The following SPATA9 variants were observed in gnomAD, a reference collection of about 807,000 sequenced individuals.
The protein encoded by SPATA9 is spermatogenesis-associated protein 9.
A neutral mutation model predicts 25.5 loss-of-function variants in SPATA9; 27 were observed. The observed-to-expected ratio is 1.06, with a 90% CI of 0.78 to 1.46. The LOEUF is 1.46. Ranked by LOEUF, SPATA9 falls within the 40% of genes most tolerant of loss-of-function variation. The pLI is 0.00. For synonymous variants in SPATA9, 102 were observed against 105.7 expected (o/e 0.97, Z 0.21); for missense variants, 282 against 297.5 (o/e 0.95, Z 0.38).
At position 95,692,517 on chromosome 5, in the gene SPATA9, G is replaced by A. The variant is rs192018540; in HGVS notation, n.124+6071C>T. On this transcript the variant is annotated intron_variant and non_coding_transcript_variant, in intron 1 of 2. Coordinates refer to the SPATA9 transcript ENST00000379990. ...CTGGATCTATATTATTTCTAATCTT[G>A]TATATTTTTTCCTTTTTCTTTAATC... 1.3e-3 allele frequency among the ~76,000 whole-genome samples: 190 copies of A among 151,984 alleles called. 3 individuals are homozygous for A. The highest frequency in any genetic ancestry group is 0.01 in the Middle Eastern group (3 of 294).
intron 1 of SPATA9, among the ~76,000 whole-genome samples, chr5:95,692,273 T>G (rs532328004): frequency 1.3e-5 from 2 of 152,250 alleles, no homozygotes; most frequent in South Asian, 4.1e-4. Context: ...ATTTACATAT[T>G]TTTTTAAAAA....
the SPATA9 span, among the ~76,000 whole-genome samples, chr5:95,730,166 C>T: frequency 6.6e-6 from 1 of 152,044 alleles, no homozygotes; most frequent in Admixed American, 6.6e-5. Context: ...CTACTTTCAA[C>T]CGAGCAATAA....
At chr5:95,696,405 T>A (rs1401822785) in intron 1 of SPATA9, among the ~76,000 whole-genome samples, 1 of 152,234 alleles carries the variant, frequency 6.6e-6, no homozygotes, top group East Asian at 1.9e-4. Flanking sequence ...TCTAGTACCA[T>A]AGAAAACATT....
chr5:95,707,248 G>A, the SPATA9 span, among the ~76,000 whole-genome samples: 3 of 152,286 alleles, frequency 2.0e-5, no homozygotes, highest in South Asian at 2.1e-4. Context: ...CTTGGAGGAA[G>A]AATGAATGTG....
At chr5:95,700,110 G>C (rs1754139631), upstream of SPATA9, among the ~76,000 whole-genome samples, 1 of 152,048 alleles carries the variant, frequency 6.6e-6, no homozygotes, top group African/African-American at 2.4e-5. Context: ...TCAAAGGGGT[G>C]AAAGCTAAAG....
At chr5:95,726,487 A>T in the SPATA9 span, among the ~76,000 whole-genome samples, 2 of 152,260 alleles carry the variant, frequency 1.3e-5, no homozygotes, top group Non-Finnish European at 2.9e-5. Context: ...AGTTCAGAAT[A>T]TCATTGTCTA....
intron 3 of SPATA9, chr5:95,674,710 T>C (rs1341814011): frequency 2.2e-6 from 1 of 452,614 alleles, no homozygotes; most frequent in African/African-American, 2.0e-5. Context: ...GTCGGGAATC[T>C]CAACAGCTCT....
At chr5:95,677,458 T>C (rs1734993175) in intron 2 of SPATA9, among the ~76,000 whole-genome samples, 1 of 152,226 alleles carries the variant, frequency 6.6e-6, no homozygotes, top group African/African-American at 2.4e-5. Flanking sequence ...ACTTTCACAA[T>C]AATGATAATT....
At chr5:95,662,872 T>G (rs556035387) in intron 4 of SPATA9, among the ~76,000 whole-genome samples, 14 of 152,320 alleles carry the variant, frequency 9.2e-5, no homozygotes, top group African/African-American at 2.9e-4. Context: ...ACAATGTGAT[T>G]ATACTACATG....
intron 3 of SPATA9, among the ~76,000 whole-genome samples, chr5:95,675,172 A>G (rs1048523919): frequency 1.3e-5 from 2 of 152,232 alleles, no homozygotes; most frequent in Admixed American, 6.5e-5. Context: ...GGTAATTTAC[A>G]TGCATATATT....
the SPATA9 span, among the ~76,000 whole-genome samples, chr5:95,722,283 T>C: frequency 6.6e-6 from 1 of 152,172 alleles, no homozygotes; most frequent in Non-Finnish European, 1.5e-5. Context: ...GAACAAAATC[T>C]ATTTTTTAAT....
chr5:95,707,957 T>G, the SPATA9 span, among the ~76,000 whole-genome samples: 1,714 of 152,270 alleles, frequency 0.011, 27 homozygotes, highest in African/African-American at 0.039. Flanking sequence ...ATATTGAGTC[T>G]TAAGATACAT....
intron 4 of SPATA9, among the ~76,000 whole-genome samples, chr5:95,659,879 CAG>C (rs1047622796): frequency 1.3e-5 from 2 of 152,110 alleles, no homozygotes; most frequent in Non-Finnish European, 2.9e-5. Context: ...GGATGGAACT[CAG>C]AAAGGATTTT....
At chr5:95,716,704 CA>C in the SPATA9 span, among the ~76,000 whole-genome samples, 35 of 152,150 alleles carry the variant, frequency 2.3e-4, no homozygotes, top group South Asian at 1.2e-3. Flanking sequence ...TGGGAGGTGC[CA>C]GGGGTGGAAT....
At position 95,692,744 on chromosome 5, in the gene SPATA9, T is replaced by A. The variant is rs534095660; in HGVS notation, n.124+5844A>T. Among the ~76,000 whole-genome samples, 167 of 152,216 alleles carry A rather than the reference T, an allele frequency of 1.1e-3. 2 individuals are homozygous for A. The highest frequency in any genetic ancestry group is 3.8e-3 in the African/African-American group (157 of 41,572). ...TTTTATAACTTCCCAGTAATTAAGGTTTAATATTATATTATTATTTCTTTC... is the reference window on the plus strand; with the variant it reads ...TTTTATAACTTCCCAGTAATTAAGGATTAATATTATATTATTATTTCTTTC... On this transcript the variant is annotated intron_variant and non_coding_transcript_variant, in intron 1 of 2. Coordinates refer to the SPATA9 transcript ENST00000379990.
At chr5:95,654,761 A>G (rs1303260109), downstream of SPATA9, among the ~76,000 whole-genome samples, 1 of 152,172 alleles carries the variant, frequency 6.6e-6, no homozygotes, top group Non-Finnish European at 1.5e-5. Flanking sequence ...AGATGTGAAC[A>G]ATGTATTTGT....
the SPATA9 span, chr5:95,717,425 A>G: frequency 6.6e-6 from 1 of 152,140 alleles, no homozygotes; most frequent in East Asian, 1.9e-4. Flanking sequence ...GTGTGGGTAC[A>G]CACACACGTA....
intron 2 of SPATA9, among the ~76,000 whole-genome samples, chr5:95,677,867 T>C (rs771687052): frequency 5.3e-5 from 8 of 152,210 alleles, no homozygotes; most frequent in Non-Finnish European, 1.0e-4. Flanking sequence ...AGCATCTAAA[T>C]TAAAATTTTT....
chr5:95,699,389 A>G (rs1426123137), upstream of SPATA9, among the ~76,000 whole-genome samples: 1 of 152,216 alleles, frequency 6.6e-6, no homozygotes. Flanking sequence ...AGCACTCCAT[A>G]GGTAGCATCA....
Sources: allele counts gnomAD v4.1 joint callset (sites outside exome capture counted in the v4.1 genomes callset), GRCh38; gene constraint gnomAD v4.1.1; transcripts MANE v1.5; gene names NCBI Gene and HGNC (gene_info 2026-07-23, HGNC 2026-07-21).